The following NEB variants were observed in gnomAD, a reference collection of about 807,000 sequenced individuals.
NEB encodes nebulin.
In NEB, 512 loss-of-function variants were observed where a neutral mutation model predicts 952.2. The ratio of observed to expected loss-of-function variants is 0.54; its 90% CI spans 0.50 to 0.58. The LOEUF (loss-of-function observed/expected upper bound fraction) is 0.58. NEB is among the 20% of genes least tolerant of loss of function. The pLI, the probability that NEB is intolerant of heterozygous loss-of-function variation, is 0.00. For missense variants in NEB, 8,428 were observed against 9,231.1 expected, an observed-to-expected ratio of 0.91 and a Z score of 3.56; for synonymous variants, 2,900 against 3,149.8, an observed-to-expected ratio of 0.92 and a Z score of 2.66.
chr2:151,699,818 G>C (rs201429250), intron 13 of NEB, among the ~76,000 whole-genome samples: 61 of 140,470 alleles, frequency 4.3e-4, no homozygotes, highest in Middle Eastern at 7.5e-3. Context: ...TAGGTTGCCT[G>C]TTCACTCTGA....
At chr2:151,689,962 A>G (rs973274046) in intron 24 of NEB, 1 of 152,186 alleles carries the variant, frequency 6.6e-6, no homozygotes, top group African/African-American at 2.4e-5. Flanking sequence ...TCACTTACCT[A>G]TCTTGAGAAG....
intron 23 of NEB, 121 bp from the exon 24 acceptor site, chr2:151,690,946 C>A (rs886258434): frequency 4.4e-6 from 3 of 689,152 alleles, no homozygotes; most frequent in Non-Finnish European, 7.8e-6. Flanking sequence ...TTAGTTGATG[C>A]GTTTATATTC....
At position 151,662,192 on chromosome 2, in the gene NEB, T is replaced by C. The variant is rs773218632; in HGVS notation, c.5913A>G (p.Thr1971=). The C allele has an allele frequency of 7.4e-6, 12 of 1,613,516 alleles. No homozygotes were observed. The highest frequency in any genetic ancestry group is 2.2e-5 in the East Asian group (1 of 44,876). The part of the protein sequence containing the change: ...RQHPDTLKYS[T]LMDSMNMVLA... ...AAACCATGTTCATCGAGTCCATGAG[T>C]GTGGAATACTTCAAAGTGTCTGGGT... Residue 1971 remains threonine (T), a synonymous_variant, in exon 46 of 182, where the codon ACA becomes ACG. Coordinates refer to ENST00000397345, the MANE Select transcript of NEB (RefSeq NM_001164508.2).
rs747213004 is a variant in NEB at position 151,650,254 on chromosome 2, T to G, written c.7353A>C (p.Pro2451=). Reference sequence around the variant, plus strand: ...GAATGCTGGTGAACTTGTTTCTGTCTGGAGGCTGACGATATTTCTTCTCAC... The same window carrying G: ...GAATGCTGGTGAACTTGTTTCTGTCGGGAGGCTGACGATATTTCTTCTCAC... The part of the protein sequence containing the change: ...IISEKKYRQP[P]DRNKFTSIPD... The change falls in exon 54 of 182, where the codon CCA becomes CCC. Residue 2451 remains proline (P), a synonymous_variant. Coordinates refer to ENST00000397345, the MANE Select transcript of NEB (RefSeq NM_001164508.2). The G allele has an allele frequency of 6.2e-6, 10 of 1,613,824 alleles. No individual in the cohort carries two copies. The South Asian group carries it at 9.9e-5, about 16-fold the overall frequency.
intron 168 of NEB, among the ~76,000 whole-genome samples, chr2:151,500,444 A>G (rs1559261882): frequency 1.3e-5 from 2 of 151,974 alleles, no homozygotes; most frequent in Non-Finnish European, 2.9e-5. Context: ...TTTGTGTGTT[A>G]GAGTTTTTCA....
At chr2:151,501,962 AC>A in intron 167 of NEB, among the ~76,000 whole-genome samples, 1 of 152,236 alleles carries the variant, frequency 6.6e-6, no homozygotes, top group East Asian at 1.9e-4. Context: ...TACATAGCAT[AC>A]AAAAAATAGC....
At chr2:151,662,977 C>T (rs1350450062) in intron 45 of NEB, among the ~76,000 whole-genome samples, 1 of 152,166 alleles carries the variant, frequency 6.6e-6, no homozygotes, top group African/African-American at 2.4e-5. Context: ...CTTTCGTCTG[C>T]TTTGGGTTTG....
chr2:151,525,882 C>A (rs2085446215), intron 150 of NEB, 76 bp downstream of exon 150: 1 of 1,142,702 alleles, frequency 8.8e-7, no homozygotes, highest in Non-Finnish European at 1.3e-6. Context: ...AAGCAAAAGG[C>A]AACTGACATT....
chr2:151,614,136 AC>A, intron 77 of NEB, 139 bp downstream of exon 77: 2 of 1,003,590 alleles, frequency 2.0e-6, no homozygotes, highest in South Asian at 3.5e-5. Flanking sequence ...GAAACTAAAT[AC>A]ATACTTTATT....
chr2:151,674,145 C>T (rs1228867479), intron 36 of NEB, among the ~76,000 whole-genome samples: 1 of 152,036 alleles, frequency 6.6e-6, no homozygotes, highest in Admixed American at 6.6e-5. Flanking sequence ...ATAATGCAGG[C>T]AGTCATTTGA....
rs754914675 is a variant in NEB, at chr2:151,663,833, T to C, written c.5478A>G (p.Gln1826=). 6.2e-7 allele frequency: 1 copy of C among 1,613,794 alleles called. No individual in the cohort carries two copies. The highest frequency in any genetic ancestry group is 8.5e-7 in the Non-Finnish European group (1 of 1,179,728). ...GGAAGCCAATGTGTTTCCCTTTGGC[T>C]TGTTCATAGGCTTTCTTGTATTTGT... ...SDYKYKKAYE[Q]AKGKHIGFRS... is the part of the protein sequence containing the mutation. The change falls in exon 45 of 182, where the codon CAA becomes CAG. Residue 1826 remains glutamine, a synonymous_variant. Coordinates refer to ENST00000397345, the MANE Select transcript of NEB (RefSeq NM_001164508.2).
At position 151,633,917 on chromosome 2, in the gene NEB, C is replaced by T. The variant is rs751613683; in HGVS notation, c.9151G>A (p.Ala3051Thr). ...TTGGGGTCATCTTCAATGTTCCGGGCTCCAATATGGTGGCCAAGTTGCTTG... is the reference window on the plus strand; with the variant it reads ...TTGGGGTCATCTTCAATGTTCCGGGTTCCAATATGGTGGCCAAGTTGCTTG... ...YCKQLGHHIG[A>T]RNIEDDPKMM... is the part of the protein sequence containing the mutation. Residue 3051 changes from alanine (A) to threonine (T), a missense_variant, in exon 65 of 182, where the codon GCC becomes ACC. Transcript: ENST00000397345. 89 of 1,613,840 alleles carry T rather than the reference C, an allele frequency of 5.5e-5. No individual in the cohort carries two copies. Among genetic ancestry groups the T allele is most frequent in the Non-Finnish European group, 5.9e-5 (70 of 1,179,862 alleles).
intron 71 of NEB, among the ~76,000 whole-genome samples, chr2:151,622,324 T>C (rs2098435251): frequency 6.6e-6 from 1 of 152,240 alleles, no homozygotes. Context: ...CTTTCAGACA[T>C]GCATCATAGT....
intron 48 of NEB, among the ~76,000 whole-genome samples, chr2:151,657,670 C>A (rs1243700070): frequency 6.6e-6 from 1 of 152,174 alleles, no homozygotes; most frequent in Admixed American, 6.5e-5. Context: ...AAGAACAACA[C>A]AAGACTTTCA....
Position 151,643,184 on chromosome 2 carries a change from A to G in NEB, c.8126T>C (p.Val2709Ala). Reference sequence around the variant, plus strand: ...GGTAATAGCATTGTTTTTTGCCAAAACCATTGGTATGGAATCCATAAGGCT... The same window carrying G: ...GGTAATAGCATTGTTTTTTGCCAAAGCCATTGGTATGGAATCCATAAGGCT... ...FSSLMDSIPM[V>A]LAKNNAITMN... Residue 2709 changes from valine (V) to alanine (A), a missense_variant, in exon 58 of 182, where the codon GTT becomes GCT. Physicochemically the swap from Val to Ala is moderately conservative, Grantham distance 64 (BLOSUM62 0). Transcript: ENST00000397345. The G allele has an allele frequency of 6.2e-7, 1 of 1,613,716 alleles. No individual in the cohort carries two copies. The highest frequency in any genetic ancestry group is 8.5e-7 in the Non-Finnish European group (1 of 1,179,738).
At chr2:151,518,203 C>T (rs971312283) in intron 156 of NEB, 115 bp downstream of exon 156, 1 of 775,076 alleles carries the variant, frequency 1.3e-6, no homozygotes, top group African/African-American at 1.7e-5. Context: ...AGATTCAAAA[C>T]CCCTTATATC....
At chr2:151,511,008 T>C (rs1293459493) in intron 161 of NEB, among the ~76,000 whole-genome samples, 1 of 152,222 alleles carries the variant, frequency 6.6e-6, no homozygotes, top group Non-Finnish European at 1.5e-5. Flanking sequence ...GGGGAGGAAC[T>C]AACTTGCCTG....
Position 151,682,674 on chromosome 2 carries a change from G to A in NEB, c.2931C>T (p.Asp977=), listed in dbSNP as rs1576205507. The change falls in exon 29 of 182, where the codon GAC becomes GAT. Residue 977 remains aspartate (D), a synonymous_variant. Transcript: ENST00000397345. ...LEMEKAKRAS[D]ILNEKKYRQH... ...CCAGTGGCTTTACCTCATTGAGGAT[G>A]TCTGAAGCTCGCTTTGCCTTTTCCA... The A allele has an allele frequency of 2.5e-6, 4 of 1,612,104 alleles. No homozygotes were observed. Among genetic ancestry groups the A allele is most frequent in the Non-Finnish European group, 3.4e-6 (4 of 1,178,800 alleles).
At chr2:151,506,426 C>G (rs1365675068) in intron 163 of NEB, 168 bp from the exon 164 acceptor site, 1 of 598,514 alleles carries the variant, frequency 1.7e-6, no homozygotes, top group Non-Finnish European at 3.0e-6. Flanking sequence ...ATCAGTGACT[C>G]AGACCAGTTA....
Sources: allele counts gnomAD v4.1 joint callset (sites outside exome capture counted in the v4.1 genomes callset), GRCh38; gene constraint gnomAD v4.1.1; transcripts MANE v1.5; gene names NCBI Gene and HGNC (gene_info 2026-07-23, HGNC 2026-07-21).